The following KCNIP4 variants were observed in gnomAD, a reference collection of about 807,000 sequenced individuals.
KCNIP4 encodes potassium voltage-gated channel interacting protein 4.
In KCNIP4, 12 loss-of-function variants were observed where a neutral mutation model predicts 34.0. The ratio of observed to expected loss-of-function variants is 0.35; its 90% CI spans 0.23 to 0.57. The LOEUF (loss-of-function observed/expected upper bound fraction) is 0.57, where lower values mean the gene tolerates loss of function less well. Ranked by LOEUF, KCNIP4 falls within the 20% of genes least tolerant of loss-of-function variation. The probability of loss-of-function intolerance (pLI) is 0.83; values close to 1 mark genes in which losing one functional copy is unlikely to be tolerated. For synonymous variants in KCNIP4, 124 were observed against 102.2 expected (o/e 1.21, Z -1.29); for missense variants, 238 against 311.7 (o/e 0.76, Z 1.78).
chr4:21,554,757 C>T (rs1290485554), intron 1 of KCNIP4, among the ~76,000 whole-genome samples: 1 of 152,040 alleles, frequency 6.6e-6, no homozygotes, highest in Non-Finnish European at 1.5e-5. Flanking sequence ...CCCTGGGTGC[C>T]TACTTTCTCC....
intron 1 of KCNIP4, among the ~76,000 whole-genome samples, chr4:21,439,006 C>T (rs1052762697): frequency 1.3e-5 from 2 of 151,806 alleles, no homozygotes; most frequent in Non-Finnish European, 2.9e-5. Context: ...ACTAAAAATA[C>T]GAAAAATTAA....
At position 21,359,467 on chromosome 4, in the gene KCNIP4, GGCCC is replaced by G. The variant is rs1718998092; in HGVS notation, c.62-476762_62-476759del. ...ATTCTCTAGAGAATCCTAATACAGTGGCCCATGCTATCAGGCATCATAAACCGAA... is the reference window on the plus strand; with the variant it reads ...ATTCTCTAGAGAATCCTAATACAGTGATGCTATCAGGCATCATAAACCGAA... On this transcript the variant is annotated intron_variant, in intron 1 of 8. Coordinates refer to ENST00000382152, the MANE Select transcript of KCNIP4 (RefSeq NM_025221.6). Among the ~76,000 whole-genome samples the G allele has an allele frequency of 8.5e-5, 13 of 152,188 alleles. No homozygotes were observed. The South Asian group carries it at 2.7e-3, about 32-fold the overall frequency.
chr4:21,828,471 C>T (rs1039170238), intron 1 of KCNIP4, among the ~76,000 whole-genome samples: 10 of 151,852 alleles, frequency 6.6e-5, no homozygotes, highest in Non-Finnish European at 1.3e-4. Flanking sequence ...CTTTCCAAAA[C>T]TGTTGAAAGA....
At chr4:21,481,817 G>T (rs1731453250) in intron 1 of KCNIP4, among the ~76,000 whole-genome samples, 1 of 151,956 alleles carries the variant, frequency 6.6e-6, no homozygotes. Context: ...TGTATTAGAG[G>T]TAAACATGAA....
chr4:21,509,008 C>T (rs1455514986), intron 1 of KCNIP4, among the ~76,000 whole-genome samples: 1 of 152,142 alleles, frequency 6.6e-6, no homozygotes, highest in East Asian at 1.9e-4. Flanking sequence ...TCTGTATGCC[C>T]TCCCCTCGGA....
chr4:20,801,623 A>C (rs920461237), intron 3 of KCNIP4, among the ~76,000 whole-genome samples: 2 of 152,140 alleles, frequency 1.3e-5, no homozygotes, highest in African/African-American at 4.8e-5. Context: ...AAAATAGCTG[A>C]TTAAAACTAT....
intron 1 of KCNIP4, among the ~76,000 whole-genome samples, chr4:21,587,261 A>G (rs1741699069): frequency 6.6e-6 from 1 of 152,088 alleles, no homozygotes; most frequent in African/African-American, 2.4e-5. Flanking sequence ...CACTCTAGCT[A>G]TCCATTTTCT....
chr4:21,267,137 A>G (rs1420187701), intron 1 of KCNIP4, among the ~76,000 whole-genome samples: 2 of 151,986 alleles, frequency 1.3e-5, no homozygotes, highest in African/African-American at 4.8e-5. Context: ...TCAAGTTTAT[A>G]TTTCTTTCAA....
At chr4:21,332,094 T>G (rs979885882) in intron 1 of KCNIP4, among the ~76,000 whole-genome samples, 2 of 152,060 alleles carry the variant, frequency 1.3e-5, no homozygotes, top group Admixed American at 6.6e-5. Context: ...TCTATAAAAT[T>G]TTAAAAGCTA....
intron 1 of KCNIP4, among the ~76,000 whole-genome samples, chr4:21,705,568 T>C (rs1282387383): frequency 6.6e-6 from 1 of 152,094 alleles, no homozygotes; most frequent in Non-Finnish European, 1.5e-5. Context: ...CTCATGGAGC[T>C]TATAATGGGG....
chr4:20,899,591 C>T (rs1412126208), intron 1 of KCNIP4, among the ~76,000 whole-genome samples: 2 of 152,108 alleles, frequency 1.3e-5, no homozygotes, highest in Non-Finnish European at 2.9e-5. Context: ...ATTTTGTATG[C>T]AATTTTGAAA....
intron 2 of KCNIP4, among the ~76,000 whole-genome samples, chr4:20,852,207 C>A (rs1047624318): frequency 6.6e-6 from 1 of 152,088 alleles, no homozygotes; most frequent in Non-Finnish European, 1.5e-5. Context: ...CCTTGATGAA[C>A]ATAGATGTTA....
intron 3 of KCNIP4, among the ~76,000 whole-genome samples, chr4:20,815,159 CT>C (rs1316745337): frequency 2.6e-5 from 4 of 152,070 alleles, no homozygotes; most frequent in Admixed American, 2.6e-4. Context: ...AACATAGTCA[CT>C]GATAATTGAT....
At chr4:21,529,550 T>A (rs953263088) in intron 1 of KCNIP4, among the ~76,000 whole-genome samples, 35 of 152,190 alleles carry the variant, frequency 2.3e-4, no homozygotes, top group African/African-American at 8.2e-4. Context: ...GTTTTTTTTA[T>A]CTTCTTTTTC....
chr4:21,398,445 A>G (rs1373972591), intron 1 of KCNIP4, among the ~76,000 whole-genome samples: 4 of 152,232 alleles, frequency 2.6e-5, no homozygotes, highest in Non-Finnish European at 5.9e-5. Context: ...TGAAATAAAA[A>G]CACAAGAGTT....
intron 1 of KCNIP4, among the ~76,000 whole-genome samples, chr4:21,811,426 T>C (rs1407164605): frequency 6.6e-6 from 1 of 152,212 alleles, no homozygotes; most frequent in Non-Finnish European, 1.5e-5. Flanking sequence ...GCTTGTAAGC[T>C]AACAAAATGA....
intron 1 of KCNIP4, among the ~76,000 whole-genome samples, chr4:21,670,097 T>G (rs1223565115): frequency 6.6e-6 from 1 of 152,050 alleles, no homozygotes; most frequent in East Asian, 1.9e-4. Flanking sequence ...GATAGAAAAA[T>G]TAATTATCTT....
At chr4:21,324,464 A>G (rs1714820750) in intron 1 of KCNIP4, among the ~76,000 whole-genome samples, 1 of 152,012 alleles carries the variant, frequency 6.6e-6, no homozygotes. Flanking sequence ...TCTTCTGCAT[A>G]TGGATATCCA....
chr4:21,019,614 A>T (rs1739865363), intron 1 of KCNIP4, among the ~76,000 whole-genome samples: 1 of 152,154 alleles, frequency 6.6e-6, no homozygotes, highest in Non-Finnish European at 1.5e-5. Context: ...CAGTCACTTG[A>T]CTTTACAGAG....
Sources: allele counts gnomAD v4.1 joint callset (sites outside exome capture counted in the v4.1 genomes callset), GRCh38; gene constraint gnomAD v4.1.1; transcripts MANE v1.5; gene names NCBI Gene and HGNC (gene_info 2026-07-23, HGNC 2026-07-21).